CMKLR1: variants seen among roughly 807,000 people sequenced by gnomAD.
CMKLR1 encodes chemerin-like receptor 1.
In CMKLR1, 6 loss-of-function variants were observed where a neutral mutation model predicts 8.2. That is an observed-to-expected ratio of 0.73 (90% CI 0.40 to 1.44). The LOEUF (loss-of-function observed/expected upper bound fraction) is 1.44. Among genes scored for constraint, CMKLR1 ranks in the 40% most tolerant of loss-of-function variants. CMKLR1 has a pLI of 0.02. For missense variants in CMKLR1, 429 were observed against 478.0 expected (o/e 0.90, Z 0.96); for synonymous variants, 178 against 181.2 (o/e 0.98, Z 0.14).
At chr12:108,330,806 G>A (rs1484385734) in intron 1 of CMKLR1, among the ~76,000 whole-genome samples, 1 of 152,184 alleles carries the variant, frequency 6.6e-6, no homozygotes, top group African/African-American at 2.4e-5. Context: ...GAGACACTGA[G>A]CCCCATTGAT....
At chr12:108,319,741 T>C (rs1891815320) in intron 2 of CMKLR1, among the ~76,000 whole-genome samples, 1 of 152,242 alleles carries the variant, frequency 6.6e-6, no homozygotes, top group Non-Finnish European at 1.5e-5. Context: ...TACCATTATA[T>C]GACTTGGCCT....
At chr12:108,319,886 C>G (rs997612168) in intron 2 of CMKLR1, among the ~76,000 whole-genome samples, 1 of 152,136 alleles carries the variant, frequency 6.6e-6, no homozygotes, top group Non-Finnish European at 1.5e-5. Flanking sequence ...TTCTTACATT[C>G]AATAAACCTT....
intron 2 of CMKLR1, among the ~76,000 whole-genome samples, chr12:108,328,455 C>T (rs893230704): frequency 1.3e-5 from 2 of 152,264 alleles, no homozygotes; most frequent in South Asian, 4.1e-4. Flanking sequence ...TGATCCTCTT[C>T]GTAAAGTTGA....
At chr12:108,326,660 G>A (rs530946907) in intron 2 of CMKLR1, among the ~76,000 whole-genome samples, 3 of 152,178 alleles carry the variant, frequency 2.0e-5, no homozygotes, top group Non-Finnish European at 2.9e-5. Flanking sequence ...CAGCCTGGGC[G>A]ATGTGGCCTT....
intron 1 of CMKLR1, among the ~76,000 whole-genome samples, chr12:108,336,402 C>T (rs543771891): frequency 3.9e-5 from 6 of 152,158 alleles, no homozygotes; most frequent in South Asian, 4.2e-4. Flanking sequence ...AAAAATTAGC[C>T]GGGCGGGGTG....
At chr12:108,329,081 C>T (rs1892046412) in intron 2 of CMKLR1, among the ~76,000 whole-genome samples, 1 of 152,216 alleles carries the variant, frequency 6.6e-6, no homozygotes, top group Admixed American at 6.5e-5. Context: ...AACCAGCATG[C>T]CCACTGGAAT....
At chr12:108,315,327 T>TA (rs1891693975) in intron 2 of CMKLR1, among the ~76,000 whole-genome samples, 1 of 152,156 alleles carries the variant, frequency 6.6e-6, no homozygotes, top group Non-Finnish European at 1.5e-5. Flanking sequence ...GACAAAGACA[T>TA]ACTTGATACA....
At position 108,335,750 on chromosome 12, in the gene CMKLR1, C is replaced by T. The variant is rs116847484; in HGVS notation, c.-287+3277G>A. ...ATGGAGCTACAAAGATTCTTAGAGGCCCTTCAGCAACAAGAGTGAGATTTA... is the reference window on the plus strand; with the variant it reads ...ATGGAGCTACAAAGATTCTTAGAGGTCCTTCAGCAACAAGAGTGAGATTTA... On this transcript the variant is annotated intron_variant, in intron 1 of 3. Coordinates refer to ENST00000550402, the MANE Select transcript of CMKLR1 (RefSeq NM_001142343.2). 3.8e-3 allele frequency among the ~76,000 whole-genome samples: 580 copies of T among 152,280 alleles called. 3 individuals are homozygous for T. Among genetic ancestry groups the T allele is most frequent in the Middle Eastern group, 0.02 (6 of 294 alleles).
intron 2 of CMKLR1, among the ~76,000 whole-genome samples, chr12:108,323,283 T>G (rs912591225): frequency 3.9e-5 from 6 of 152,264 alleles, no homozygotes; most frequent in Admixed American, 6.5e-5. Context: ...TCTTTTTCAG[T>G]TGAAAATGTT....
chr12:108,306,772 C>G (rs1891419056), intron 2 of CMKLR1, among the ~76,000 whole-genome samples: 1 of 152,160 alleles, frequency 6.6e-6, no homozygotes, highest in Non-Finnish European at 1.5e-5. Flanking sequence ...AGGCTCGAGC[C>G]CAGACCCAGA....
At chr12:108,303,062 G>C (rs112526011) in intron 2 of CMKLR1, among the ~76,000 whole-genome samples, 2,725 of 152,148 alleles carry the variant, frequency 0.018, 77 homozygotes, top group African/African-American at 0.058. Context: ...CAGAGTCTTG[G>C]TTACTGAATC....
At chr12:108,297,129 G>T (rs1486912577) in intron 2 of CMKLR1, among the ~76,000 whole-genome samples, 1 of 152,094 alleles carries the variant, frequency 6.6e-6, no homozygotes, top group African/African-American at 2.4e-5. Flanking sequence ...TTCTGCCTCT[G>T]CCACCCCTGA....
At chr12:108,311,323 G>A (rs998956050) in intron 2 of CMKLR1, among the ~76,000 whole-genome samples, 4 of 152,150 alleles carry the variant, frequency 2.6e-5, no homozygotes, top group Non-Finnish European at 5.9e-5. Context: ...ACACTTAAAA[G>A]TGCTAGGGAG....
At chr12:108,318,121 C>A (rs1428662560) in intron 2 of CMKLR1, among the ~76,000 whole-genome samples, 1 of 152,196 alleles carries the variant, frequency 6.6e-6, no homozygotes, top group African/African-American at 2.4e-5. Flanking sequence ...TAACTAGTCC[C>A]AGGGATGGGC....
intron 2 of CMKLR1, among the ~76,000 whole-genome samples, chr12:108,310,670 G>A (rs973118849): frequency 6.6e-5 from 10 of 152,176 alleles, no homozygotes; most frequent in Admixed American, 2.0e-4. Flanking sequence ...ACTCAGATGG[G>A]TCTTCACGGG....
At position 108,293,637 on chromosome 12, in the gene CMKLR1, A is replaced by G; in HGVS notation, c.-46T>C. 6.5e-7 allele frequency: 1 copy of G among 1,546,884 alleles called. No homozygotes were observed. Among genetic ancestry groups the G allele is most frequent in the Non-Finnish European group, 8.7e-7 (1 of 1,143,672 alleles). ...GCTCTCCAATGTGAGTCCTCAGCCA[A>G]TCAGTCCCTGTACACAGCTAGAAAC... is the stretch of plus-strand genomic sequence containing the variant. On this transcript the variant is annotated 5_prime_UTR_variant, in exon 3 of 4. Transcript: ENST00000550402.
rs1366915713 is a variant in CMKLR1, at chr12:108,339,046, C to G, written c.-306G>C. ...TGATACCTTCCCTCTGGTCTCTGCCCGGAAGGTCTTCCTGAGGGTTCCCTG... is the reference window on the plus strand; with the variant it reads ...TGATACCTTCCCTCTGGTCTCTGCCGGGAAGGTCTTCCTGAGGGTTCCCTG... On this transcript the variant is annotated 5_prime_UTR_variant, in exon 1 of 4. Transcript: ENST00000550402. 3.3e-5 allele frequency: 5 copies of G among 152,242 alleles called. No homozygotes were observed. Among genetic ancestry groups the G allele is most frequent in the African/African-American group, 9.7e-5 (4 of 41,446 alleles). 9.4% of individuals were successfully genotyped at this position (152,242 alleles called of 1,614,324 possible). A position where few individuals can be genotyped will look rare whatever the true frequency, so the allele number is the denominator to read the frequency against.
chr12:108,317,900 G>A (rs781673754), intron 2 of CMKLR1: 7 of 152,162 alleles, frequency 4.6e-5, no homozygotes, highest in Non-Finnish European at 7.4e-5. Flanking sequence ...TCCTTCCAGA[G>A]TTTCTTTGGA....
At chr12:108,294,674 T>C (rs996421397) in intron 2 of CMKLR1, among the ~76,000 whole-genome samples, 3 of 152,218 alleles carry the variant, frequency 2.0e-5, no homozygotes, top group African/African-American at 7.2e-5. Context: ...GATTGCATTA[T>C]TGCCTAGAGG....
Sources: gnomAD v4.1 joint callset for allele counts (sites outside exome capture counted in the v4.1 genomes callset) on GRCh38, gnomAD v4.1.1 for gene constraint, MANE v1.5 for transcripts, NCBI Gene and HGNC (gene_info 2026-07-23, HGNC 2026-07-21) for gene names.